FSCN3: variants seen among roughly 807,000 people sequenced by gnomAD.
FSCN3 encodes the protein fascin actin-bundling protein 3, also known as fascin-3.
Under a neutral mutation model 53.5 loss-of-function variants are expected in FSCN3, and 43 were observed. That is an observed-to-expected ratio of 0.80 (90% CI 0.63 to 1.04). The LOEUF (loss-of-function observed/expected upper bound fraction) is 1.04, where lower values mean the gene tolerates loss of function less well. FSCN3 is among the 50% of genes least tolerant of loss of function. The pLI, the probability that FSCN3 is intolerant of heterozygous loss-of-function variation, is 0.00. For missense variants in FSCN3, 594 were observed against 646.5 expected (o/e 0.92, Z 0.88); for synonymous variants, 235 against 246.6 (o/e 0.95, Z 0.44).
chr7:127,600,244 T>A lies in FSCN3; in HGVS notation c.1342T>A (p.Trp448Arg). Residue 448 changes from tryptophan to arginine, a missense_variant, in exon 6 of 7, where the codon TGG (tryptophan) becomes AGG (arginine). Transcript: ENST00000265825. The part of the protein sequence containing the change: ...SITSFGTFRP[W>R]GKFALNFCIE... ...AACATCCTTTGGCACCTTTCGCCCT[T>A]GGGGCAAGTTTGCCCTCAACTTCTG... 6.2e-7 allele frequency: 1 copy of A among 1,611,342 alleles called. No homozygotes were observed. The highest frequency in any genetic ancestry group is 8.5e-7 in the Non-Finnish European group (1 of 1,177,396).
rs1307989901 is a variant in FSCN3 at position 127,599,513 on chromosome 7, A to G, written c.1253A>G (p.His418Arg). 1.2e-6 allele frequency: 2 copies of G among 1,613,976 alleles called. No individual in the cohort carries two copies. The highest frequency in any genetic ancestry group is 2.7e-5 in the African/African-American group (2 of 74,896). Residue 418 changes from histidine to arginine, a missense_variant, in exon 5 of 7, where the codon CAT (histidine) becomes CGT (arginine). Coordinates refer to ENST00000265825, the MANE Select transcript of FSCN3 (RefSeq NM_020369.3). The stretch of plus-strand genomic sequence containing the variant: ...AACCAGGATCAGCCCGACCGCATTC[A>G]TCTACTACCCTGCCGACCGGGTATC... ...QCNQDQPDRI[H>R]LLPCRPGIYH...
At chr7:127,599,287 AC>A (rs1314244473) in intron 4 of FSCN3, 93 bp from the exon 5 acceptor site, 31 of 892,474 alleles carry the variant, frequency 3.5e-5, no homozygotes, top group Non-Finnish European at 4.8e-5. Flanking sequence ...AATATTGACC[AC>A]ACCCTTCTGC....
Position 127,596,296 on chromosome 7 carries a change from G to T in FSCN3, c.842-32G>T, listed in dbSNP as rs376828353. 10 of 1,559,152 alleles carry T rather than the reference G, an allele frequency of 6.4e-6. No individual in the cohort carries two copies. In the East Asian group the frequency reaches 6.7e-5, roughly 11 times the overall value. Reference sequence around the variant, plus strand: ...ATGGAGGAGGGGCCGAGACTGAGGGGAGGCTTTTACTGACATGCGCTTCCT... The same window carrying T: ...ATGGAGGAGGGGCCGAGACTGAGGGTAGGCTTTTACTGACATGCGCTTCCT... On this transcript the variant is annotated intron_variant, in intron 2 of 6. Transcript: ENST00000265825.
intron 1 of FSCN3, 126 bp from the exon 2 acceptor site, chr7:127,595,180 TG>T: frequency 2.8e-6 from 2 of 715,442 alleles, no homozygotes; most frequent in Non-Finnish European, 2.3e-6. Context: ...CCAGGGCTGA[TG>T]TGGAAGAGGA....
At chr7:127,594,348 C>A (rs1290324236) in intron 1 of FSCN3, 2 of 416,030 alleles carry the variant, frequency 4.8e-6, no homozygotes, top group African/African-American at 2.1e-5. Flanking sequence ...TCTGCCAGTG[C>A]CAGGCCTGAG....
chr7:127,598,402 A>G, intron 3 of FSCN3, 33 bp from the exon 4 acceptor site: 1 of 1,599,308 alleles, frequency 6.3e-7, no homozygotes, highest in Non-Finnish European at 8.6e-7. Flanking sequence ...GTCAGTCCTT[A>G]CTCCTCATCT....
At chr7:127,596,218 A>G in intron 2 of FSCN3, 110 bp from the exon 3 acceptor site, 1 of 1,531,752 alleles carries the variant, frequency 6.5e-7, no homozygotes. Flanking sequence ...CCATGGTCCA[A>G]CAGAAAGTGA....
In FSCN3 at chr7:127,593,976, G is replaced by A. The variant is rs753549891; in HGVS notation, c.123G>A (p.Ala41=). 31 of 1,612,598 alleles carry A rather than the reference G, an allele frequency of 1.9e-5. No homozygotes were observed. The highest frequency in any genetic ancestry group is 5.0e-5 in the Admixed American group (3 of 59,812). Residue 41 remains alanine (A), a synonymous_variant, in exon 1 of 7, where the codon GCG becomes GCA. Coordinates refer to ENST00000265825, the MANE Select transcript of FSCN3 (RefSeq NM_020369.3). ...GCAAGAATACAGTCACTGCAACTGC[G>A]AAGAGTTTGGGCAGGAGACAGGTGA... ...EACKNTVTAT[A]KSLGRRQTWE...
chr7:127,594,108 G>T, intron 1 of FSCN3, 111 bp downstream of exon 1: 3 of 1,254,766 alleles, frequency 2.4e-6, no homozygotes, highest in Non-Finnish European at 2.2e-6. Context: ...GTGTGTGTAT[G>T]TACTTGCCTG....
chr7:127,597,380 A>G (rs893083210), intron 3 of FSCN3, among the ~76,000 whole-genome samples: 2 of 152,228 alleles, frequency 1.3e-5, no homozygotes, highest in Admixed American at 6.5e-5. Flanking sequence ...CACCAATAGT[A>G]AAGCTGGCTT....
intron 1 of FSCN3, chr7:127,594,442 C>T: frequency 4.3e-6 from 2 of 470,018 alleles, no homozygotes; most frequent in South Asian, 3.1e-5. Flanking sequence ...GAAGCCTCAG[C>T]CTTGCCCTTG....
At chr7:127,598,292 A>T (rs1026966664) in intron 3 of FSCN3, 143 bp from the exon 4 acceptor site, 5 of 739,046 alleles carry the variant, frequency 6.8e-6, no homozygotes, top group South Asian at 3.0e-5. Context: ...TCTTCCAAAA[A>T]GGTTCTGAAA....
chr7:127,599,563 C>A lies in FSCN3; in HGVS notation c.1291+12C>A, dbSNP rs756044191. 1 of 1,613,012 alleles carries A rather than the reference C, an allele frequency of 6.2e-7. No homozygotes were observed. The highest frequency in any genetic ancestry group is 8.5e-7 in the Non-Finnish European group (1 of 1,179,182). ...CTACCACTTCCAGGGTGAGTGGCTC[C>A]TCTTCCCTGCCCAAGGGTTCACAGT... On this transcript the variant is annotated intron_variant, in intron 5 of 6. Transcript: ENST00000265825.
At chr7:127,596,707 A>G in intron 3 of FSCN3, 1 of 216,096 alleles carries the variant, frequency 4.6e-6, no homozygotes, top group Non-Finnish European at 8.9e-6. Flanking sequence ...ACAAATAAGT[A>G]TATTATGTAT....
chr7:127,600,421 G>T, intron 6 of FSCN3, 22 bp downstream of exon 6: 1 of 1,427,684 alleles, frequency 7.0e-7, no homozygotes, highest in Non-Finnish European at 9.9e-7. Context: ...GAACAGGTAA[G>T]GGGCTAGGGG....
In FSCN3 at chr7:127,600,264, C is replaced by T. The variant is rs370947261; in HGVS notation, c.1362C>T (p.Asn454=). 1.4e-5 allele frequency: 23 copies of T among 1,609,334 alleles called. No homozygotes were observed. The highest frequency in any genetic ancestry group is 1.7e-5 in the Admixed American group (1 of 60,016). ...GCCCTTGGGGCAAGTTTGCCCTCAACTTCTGTATCGAGCTTCAGGGGAGCA... is the reference window on the plus strand; with the variant it reads ...GCCCTTGGGGCAAGTTTGCCCTCAATTTCTGTATCGAGCTTCAGGGGAGCA... ...TFRPWGKFAL[N]FCIELQGSNL... The change falls in exon 6 of 7, where the codon AAC becomes AAT. Residue 454 remains asparagine (N), a synonymous_variant. Coordinates refer to ENST00000265825, the MANE Select transcript of FSCN3 (RefSeq NM_020369.3).
chr7:127,595,543 C>G lies in FSCN3; in HGVS notation c.381C>G (p.Ser127=). ...ESNGKDVFCT[S]HVLSAYHMWT... is the part of the protein sequence containing the mutation. The stretch of plus-strand genomic sequence containing the variant: ...ATGGCAAGGACGTGTTTTGCACTTC[C>G]CACGTCCTCTCAGCTTACCACATGT... The change falls in exon 2 of 7, where the codon TCC becomes TCG. Residue 127 remains serine (S), a synonymous_variant. Transcript: ENST00000265825. 6.2e-7 allele frequency: 1 copy of G among 1,613,922 alleles called. No homozygotes were observed. The highest frequency in any genetic ancestry group is 8.5e-7 in the Non-Finnish European group (1 of 1,179,784).
At chr7:127,599,084 A>G (rs1318780130) in intron 4 of FSCN3, among the ~76,000 whole-genome samples, 3 of 152,198 alleles carry the variant, frequency 2.0e-5, no homozygotes, top group Non-Finnish European at 2.9e-5. Context: ...GTCGTCTATA[A>G]AAATGAACAT....
chr7:127,595,537 C>T lies in FSCN3; in HGVS notation c.375C>T (p.Cys125=). 6.2e-7 allele frequency: 1 copy of T among 1,613,908 alleles called. No individual in the cohort carries two copies. The highest frequency in any genetic ancestry group is 8.5e-7 in the Non-Finnish European group (1 of 1,179,772). The stretch of plus-strand genomic sequence containing the variant: ...AGTCCAATGGCAAGGACGTGTTTTG[C>T]ACTTCCCACGTCCTCTCAGCTTACC... ...YLESNGKDVF[C]TSHVLSAYHM... The change falls in exon 2 of 7, where the codon TGC becomes TGT. Residue 125 remains cysteine (C), a synonymous_variant. Coordinates refer to ENST00000265825, the MANE Select transcript of FSCN3 (RefSeq NM_020369.3).
Sources: gnomAD v4.1 joint callset for allele counts (sites outside exome capture counted in the v4.1 genomes callset) on GRCh38, gnomAD v4.1.1 for gene constraint, MANE v1.5 for transcripts, NCBI Gene and HGNC (gene_info 2026-07-23, HGNC 2026-07-21) for gene names.